Variants in IL19 observed in about 807,000 individuals in gnomAD.
IL19 encodes interleukin-19.
Under a neutral mutation model 19.5 loss-of-function variants are expected in IL19, and 15 were observed. The ratio of observed to expected loss-of-function variants is 0.77; its 90% confidence interval spans 0.52 to 1.19. The LOEUF is 1.19. IL19 is among the 50% of genes most tolerant of loss of function. The probability of loss-of-function intolerance (pLI) is 0.00; values close to 1 mark genes in which losing one functional copy is unlikely to be tolerated. For synonymous variants in IL19, 78 were observed against 78.3 expected (o/e 1.00, Z 0.02); for missense variants, 199 against 213.1 (o/e 0.93, Z 0.41).
chr1:206,800,394 C>G (rs115001401), intron 2 of IL19, among the ~76,000 whole-genome samples: 1,943 of 152,282 alleles, frequency 0.013, 39 homozygotes, highest in African/African-American at 0.043. Context: ...CAGATGAATG[C>G]TCCGATATGT....
At chr1:206,810,215 G>A (rs1445086611) in intron 2 of IL19, among the ~76,000 whole-genome samples, 1 of 152,236 alleles carries the variant, frequency 6.6e-6, no homozygotes, top group Non-Finnish European at 1.5e-5. Context: ...CACTGGATTG[G>A]ATTGAATTTA....
chr1:206,777,077 A>T (rs1261478414), intron 1 of IL19, among the ~76,000 whole-genome samples: 1 of 151,898 alleles, frequency 6.6e-6, no homozygotes, highest in Non-Finnish European at 1.5e-5. Context: ...TAAAAATAGA[A>T]AAAATTAGCT....
At chr1:206,818,660 G>T (rs1676221128) in intron 2 of IL19, among the ~76,000 whole-genome samples, 1 of 152,110 alleles carries the variant, frequency 6.6e-6, no homozygotes, top group Non-Finnish European at 1.5e-5. Flanking sequence ...GTCTGGATAT[G>T]CCAAAGCTTA....
intron 1 of IL19, among the ~76,000 whole-genome samples, chr1:206,776,909 C>CAA (rs1186364224): frequency 0.029 from 1,473 of 50,462 alleles, 95 homozygotes; most frequent in African/African-American, 0.036. Flanking sequence ...CTTGCAACTA[C>CAA]AAAAAAAAAA....
In IL19 at chr1:206,842,704, A is replaced by G. The variant is rs1677059459; in HGVS notation, c.*82A>G. The G allele has an allele frequency of 1.2e-6, 1 of 826,028 alleles. No individual in the cohort carries two copies. The highest frequency in any genetic ancestry group is 2.0e-6 in the Non-Finnish European group (1 of 509,070). The allele number at this position is 826,028 out of a possible 1,614,324, so 51.2% of individuals were successfully genotyped here. Reference sequence around the variant, plus strand: ...GGGAGACAGCCCACCTTGAAGGGGAAGGAGATGGGGAAGGCCCCTTGCAGC... The same window carrying G: ...GGGAGACAGCCCACCTTGAAGGGGAGGGAGATGGGGAAGGCCCCTTGCAGC... On this transcript the variant is annotated 3_prime_UTR_variant, in exon 7 of 7. Coordinates refer to ENST00000659997, the MANE Select transcript of IL19 (RefSeq NM_153758.5).
At chr1:206,794,551 A>T (rs1029922514) in intron 1 of IL19, among the ~76,000 whole-genome samples, 1 of 152,074 alleles carries the variant, frequency 6.6e-6, no homozygotes, top group Non-Finnish European at 1.5e-5. Context: ...GGTCCTCCCT[A>T]CTTGTAGCAT....
intron 5 of IL19, chr1:206,840,226 C>G (rs570889832): frequency 1.9e-5 from 13 of 686,934 alleles, no homozygotes; most frequent in Admixed American, 1.2e-4. Context: ...CTAGATAACC[C>G]TCCTGGGGTG....
intron 1 of IL19, among the ~76,000 whole-genome samples, chr1:206,790,745 C>G (rs955942543): frequency 2.0e-5 from 3 of 152,172 alleles, no homozygotes; most frequent in Non-Finnish European, 4.4e-5. Flanking sequence ...CATTGCCCCC[C>G]ACTGCCCAGG....
In IL19 at chr1:206,841,019, T is replaced by C. The variant is rs1268606019; in HGVS notation, c.379T>C (p.Cys127Arg). ...TLRQCQEQRQ[C>R]HCRQEATNAT... The stretch of plus-strand genomic sequence containing the variant: ...TTTATCACAGCAGGAACAGAGGCAG[T>C]GTCACTGCAGGCAGGAAGCCACCAA... Residue 127 changes from cysteine to arginine, a missense_variant, in exon 6 of 7, where the codon TGT becomes CGT. By Grantham distance (180) the Cys-to-Arg change is radical (BLOSUM62 -3). Transcript: ENST00000659997. The C allele has an allele frequency of 6.2e-7, 1 of 1,614,056 alleles. No homozygotes were observed.
chr1:206,831,235 A>G (rs912489961), intron 2 of IL19, among the ~76,000 whole-genome samples: 1 of 152,144 alleles, frequency 6.6e-6, no homozygotes, highest in Admixed American at 6.5e-5. Context: ...GACATGAGAG[A>G]GTTGTGTCCA....
At chr1:206,789,365 G>A (rs1675339298) in intron 1 of IL19, among the ~76,000 whole-genome samples, 1 of 152,150 alleles carries the variant, frequency 6.6e-6, no homozygotes, top group African/African-American at 2.4e-5. Flanking sequence ...AGGATCCAGT[G>A]ACCATTATAC....
At chr1:206,778,763 C>A (rs574088247) in intron 1 of IL19, among the ~76,000 whole-genome samples, 95 of 152,322 alleles carry the variant, frequency 6.2e-4, no homozygotes, top group Non-Finnish European at 1.1e-3. Context: ...TGCACCCTCG[C>A]TCAGTAAATG....
chr1:206,828,857 G>T, intron 2 of IL19: 1 of 152,032 alleles, frequency 6.6e-6, no homozygotes, highest in South Asian at 2.1e-4. Flanking sequence ...CCGCAGACAG[G>T]GTCTCACTCT....
chr1:206,821,511 C>T (rs1170533838), intron 2 of IL19, among the ~76,000 whole-genome samples: 3 of 152,210 alleles, frequency 2.0e-5, no homozygotes, highest in East Asian at 1.9e-4. Flanking sequence ...CCTTGGACAA[C>T]GTTGGCACTT....
At chr1:206,828,143 A>T (rs1427429545) in intron 2 of IL19, among the ~76,000 whole-genome samples, 1 of 152,290 alleles carries the variant, frequency 6.6e-6, no homozygotes, top group Admixed American at 6.5e-5. Flanking sequence ...CACATTTCTA[A>T]GCTCACCACC....
At chr1:206,814,711 C>CAT (rs1676104997) in intron 2 of IL19, among the ~76,000 whole-genome samples, 1 of 151,328 alleles carries the variant, frequency 6.6e-6, no homozygotes, top group Non-Finnish European at 1.5e-5. Context: ...CACACACACA[C>CAT]ACACACACAC....
In IL19 at chr1:206,808,822, C is replaced by T. The variant is rs549477405; in HGVS notation, c.-3+9816C>T. 4.6e-5 allele frequency among the ~76,000 whole-genome samples: 7 copies of T among 152,228 alleles called. No individual in the cohort carries two copies. The East Asian group carries it at 5.8e-4, about 13-fold the overall frequency. On this transcript the variant is annotated intron_variant, in intron 2 of 6. Transcript: ENST00000659997. Reference sequence around the variant, plus strand: ...CCATTTGGTCTGTGGACAATAAGGACCCCTTGTGGTGCAACAAAGAAGGTG... The same window carrying T: ...CCATTTGGTCTGTGGACAATAAGGATCCCTTGTGGTGCAACAAAGAAGGTG...
rs528252272 is a variant in IL19, at chr1:206,824,772, T to G, written c.-2-11889T>G. ...TACCTGAGTCTAAAAGAAAAAAATC[T>G]TTTTTTTGAGATGGAGTTTTGTTCT... On this transcript the variant is annotated intron_variant, in intron 2 of 6. Coordinates refer to ENST00000659997, the MANE Select transcript of IL19 (RefSeq NM_153758.5). 5.3e-5 allele frequency among the ~76,000 whole-genome samples: 8 copies of G among 152,100 alleles called. No individual in the cohort carries two copies. In the East Asian group the frequency reaches 1.5e-3, roughly 29 times the overall value.
intron 1 of IL19, among the ~76,000 whole-genome samples, chr1:206,773,248 A>G (rs1674906671): frequency 6.6e-6 from 1 of 152,148 alleles, no homozygotes; most frequent in African/African-American, 2.4e-5. Flanking sequence ...CATGACCCCT[A>G]CCGTCTCTAT....
Sources: allele counts gnomAD v4.1 joint callset (sites outside exome capture counted in the v4.1 genomes callset), GRCh38; gene constraint gnomAD v4.1.1; transcripts MANE v1.5; gene names NCBI Gene and HGNC (gene_info 2026-07-23, HGNC 2026-07-21).